The following PTPRG variants were observed in gnomAD, a reference collection of about 807,000 sequenced individuals.
PTPRG encodes the protein receptor-type tyrosine-protein phosphatase gamma.
A neutral mutation model predicts 165.3 loss-of-function variants in PTPRG; 102 were observed. The observed-to-expected ratio is 0.62, with a 90% confidence interval of 0.53 to 0.73. The LOEUF is 0.73. Among genes scored for constraint, PTPRG ranks in the 30% least tolerant of loss-of-function variants. The probability of loss-of-function intolerance (pLI) is 0.00; values close to 1 mark genes in which losing one functional copy is unlikely to be tolerated. For synonymous variants in PTPRG, 675 were observed against 669.5 expected, an observed-to-expected ratio of 1.01 and a Z score of -0.13; for missense variants, 1,866 against 1,861.4, an observed-to-expected ratio of 1.00 and a Z score of -0.05.
chr3:61,572,964 C>T (rs915320929), intron 1 of PTPRG, among the ~76,000 whole-genome samples: 5 of 152,198 alleles, frequency 3.3e-5, no homozygotes, highest in African/African-American at 4.8e-5. Flanking sequence ...TGTGCGTGGG[C>T]ACATGCGCTA....
intron 1 of PTPRG, among the ~76,000 whole-genome samples, chr3:61,688,283 C>G (rs946861310): frequency 7.9e-5 from 12 of 152,130 alleles, no homozygotes; most frequent in African/African-American, 2.9e-4. Flanking sequence ...TGTTTCGGAC[C>G]TCAAGTCAAA....
At chr3:61,951,534 G>C (rs140154337) in intron 2 of PTPRG, among the ~76,000 whole-genome samples, 62 of 152,222 alleles carry the variant, frequency 4.1e-4, no homozygotes, top group African/African-American at 1.3e-3. Context: ...TTTAGTTCTG[G>C]ATTATTTCGT....
At chr3:62,170,380 C>G (rs1705170969) in intron 8 of PTPRG, among the ~76,000 whole-genome samples, 1 of 152,026 alleles carries the variant, frequency 6.6e-6, no homozygotes. Flanking sequence ...GTGAGGAATT[C>G]CTATCACAAG....
rs77365476 is a variant in PTPRG at position 61,882,118 on chromosome 3, A to G, written c.191-107507A>G. Among the ~76,000 whole-genome samples, 584 of 152,318 alleles carry G rather than the reference A, an allele frequency of 3.8e-3. 1 individual carries two copies. Among genetic ancestry groups the G allele is most frequent in the African/African-American group, 0.014 (565 of 41,572 alleles). ...AAAGAAAATACATGTCAAGTCTTTC[A>G]TCTTCTGAGAACAAAAACTGTGAAC... On this transcript the variant is annotated intron_variant, in intron 2 of 29. Coordinates refer to ENST00000474889, the MANE Select transcript of PTPRG (RefSeq NM_002841.4).
At position 62,276,954 on chromosome 3, in the gene PTPRG, G is replaced by GT. The variant is rs1702250940; in HGVS notation, c.3560-12dup. The GT allele has an allele frequency of 1.2e-6, 2 of 1,609,800 alleles. No individual in the cohort carries two copies. The highest frequency in any genetic ancestry group is 2.2e-5 in the East Asian group (1 of 44,808). On this transcript the variant is annotated splice_polypyrimidine_tract_variant and intron_variant, in intron 24 of 29. Coordinates refer to ENST00000474889, the MANE Select transcript of PTPRG (RefSeq NM_002841.4). ...ATAATAAGGCAAATGTGGTGTTTTT[G>GT]TTTTTTCCATATGATAGCTGAGCGT...
chr3:61,597,178 C>T (rs1263652789), intron 1 of PTPRG, among the ~76,000 whole-genome samples: 2 of 152,134 alleles, frequency 1.3e-5, no homozygotes, highest in Admixed American at 6.5e-5. Flanking sequence ...GGCAGTGCTC[C>T]CATGACCCAA....
chr3:62,248,019 A>T (rs1648186959), intron 15 of PTPRG, among the ~76,000 whole-genome samples: 1 of 120,264 alleles, frequency 8.3e-6, no homozygotes, highest in Admixed American at 7.5e-5. Flanking sequence ...AAGAACGAAG[A>T]CTTTTTTTTT....
At chr3:61,871,859 G>C (rs1434680945) in intron 2 of PTPRG, among the ~76,000 whole-genome samples, 2 of 152,084 alleles carry the variant, frequency 1.3e-5, no homozygotes, top group Non-Finnish European at 2.9e-5. Flanking sequence ...CTCTTTCTTA[G>C]TGTTTCTCAG....
chr3:61,852,422 G>C (rs895704129), intron 2 of PTPRG, among the ~76,000 whole-genome samples: 1 of 152,140 alleles, frequency 6.6e-6, no homozygotes, highest in East Asian at 1.9e-4. Context: ...TTCACAAATG[G>C]AATTTTACAG....
rs768895680 is a variant in PTPRG, at chr3:62,075,976, T to TATG, written c.520-2170_520-2168dup. Among the ~76,000 whole-genome samples the TATG allele has an allele frequency of 2.0e-4, 31 of 152,072 alleles. 1 individual carries two copies. The highest frequency in any genetic ancestry group is 4.0e-4 in the Non-Finnish European group (27 of 67,970). On this transcript the variant is annotated intron_variant, in intron 4 of 29. Coordinates refer to ENST00000474889, the MANE Select transcript of PTPRG (RefSeq NM_002841.4). ...TGTTTGCCAAATGTTAATCTTAAAA[T>TATG]ATGATGATGATGATGATGACCAGGC...
chr3:62,042,980 A>G (rs1352127891), intron 4 of PTPRG, among the ~76,000 whole-genome samples: 1 of 152,218 alleles, frequency 6.6e-6, no homozygotes, highest in African/African-American at 2.4e-5. Flanking sequence ...ACAATTAAGC[A>G]CACGTAGTAA....
intron 5 of PTPRG, among the ~76,000 whole-genome samples, chr3:62,082,560 GGAGT>G (rs1701617659): frequency 6.6e-6 from 1 of 152,190 alleles, no homozygotes; most frequent in Non-Finnish European, 1.5e-5. Context: ...TACTTTGGAG[GGAGT>G]GTGTGTTCCC....
In PTPRG at chr3:61,803,515, A is replaced by G. The variant is rs1033258232; in HGVS notation, c.190+54533A>G. Among the ~76,000 whole-genome samples, 13 of 118,188 alleles carry G rather than the reference A, an allele frequency of 1.1e-4. No homozygotes were observed. In the South Asian group the frequency reaches 2.2e-3, roughly 20 times the overall value. 77.5% of individuals were successfully genotyped at this position (118,188 alleles called of 152,430 possible). ...ATGTTGTCCAACATGGACAACATGT[A>G]ATGCCTCAAACATTCTGCTAAGCAC... On this transcript the variant is annotated intron_variant, in intron 2 of 29. Coordinates refer to ENST00000474889, the MANE Select transcript of PTPRG (RefSeq NM_002841.4).
At chr3:61,722,659 C>CT (rs1404325725) in intron 1 of PTPRG, among the ~76,000 whole-genome samples, 1 of 152,092 alleles carries the variant, frequency 6.6e-6, no homozygotes, top group Non-Finnish European at 1.5e-5. Context: ...TCCTGTTTTC[C>CT]TTTAATTTCA....
chr3:62,224,262 A>C lies in PTPRG; in HGVS notation c.2288+5279A>C, dbSNP rs552513141. 6.6e-6 allele frequency among the ~76,000 whole-genome samples: 1 copy of C among 152,338 alleles called. No homozygotes were observed. Among genetic ancestry groups the C allele is most frequent in the African/African-American group, 2.4e-5 (1 of 41,570 alleles). ...TTAGAGTAAGCTTCATTGATGTTGC[A>C]GCAGACACACCCTAGAACCCCAGTG... On this transcript the variant is annotated intron_variant, in intron 13 of 29. Transcript: ENST00000474889. This position sits in a 1 kb window ranked among gnomAD's most constrained non-coding sequence, Gnocchi z 4.9.
chr3:61,973,000 T>C (rs981501572), intron 2 of PTPRG, among the ~76,000 whole-genome samples: 1 of 152,016 alleles, frequency 6.6e-6, no homozygotes, highest in Non-Finnish European at 1.5e-5. Context: ...TGCTGTGCTG[T>C]CCGGGAGGGA....
intron 1 of PTPRG, among the ~76,000 whole-genome samples, chr3:61,564,242 G>T (rs1407697619): frequency 6.6e-6 from 1 of 152,224 alleles, no homozygotes; most frequent in Non-Finnish European, 1.5e-5. Context: ...GGGCTCAGGT[G>T]CACACAGGGG....
chr3:62,278,575 G>A (rs1250640196), intron 26 of PTPRG, among the ~76,000 whole-genome samples: 1 of 152,034 alleles, frequency 6.6e-6, no homozygotes, highest in Non-Finnish European at 1.5e-5. Flanking sequence ...CTGCCTTTAT[G>A]ATAGTCAGAT....
At position 61,813,905 on chromosome 3, in the gene PTPRG, T is replaced by TTTG. The variant is rs1553673997; in HGVS notation, c.190+64923_190+64924insTTG. Among the ~76,000 whole-genome samples, 33 of 147,276 alleles carry TTTG rather than the reference T, an allele frequency of 2.2e-4. 1 individual carries two copies. Among genetic ancestry groups the TTTG allele is most frequent in the African/African-American group, 2.5e-4 (10 of 39,860 alleles). On this transcript the variant is annotated intron_variant, in intron 2 of 29. Transcript: ENST00000474889. ...GAGATACTGGCTTTTTTTTTTTTTT[T>TTTG]GGGGGGGGTTGGAGTCTCGCTCTGT...
Sources: allele counts gnomAD v4.1 joint callset (sites outside exome capture counted in the v4.1 genomes callset), GRCh38; gene constraint gnomAD v4.1.1; non-coding constraint Gnocchi (gnomAD v3.1); transcripts MANE v1.5; gene names NCBI Gene and HGNC (gene_info 2026-07-23, HGNC 2026-07-21).